Variants in GALNT13 observed in about 807,000 individuals in gnomAD.
GALNT13 encodes UDP-GalNAc:polypeptide N-acetylgalactosaminyltransferase 13.
GALNT13 carries 28 observed loss-of-function variants against 64.2 expected under a neutral mutation model. The observed-to-expected ratio is 0.44, with a 90% CI of 0.32 to 0.60. The LOEUF (loss-of-function observed/expected upper bound fraction) is 0.60. Ranked by LOEUF, GALNT13 falls within the 20% of genes least tolerant of loss-of-function variation. GALNT13 has a pLI of 0.05. For synonymous variants in GALNT13, 214 were observed against 224.6 expected, an observed-to-expected ratio of 0.95 and a Z score of 0.42; for missense variants, 577 against 669.8, an observed-to-expected ratio of 0.86 and a Z score of 1.53.
rs576606847 is a variant in GALNT13 at position 154,365,817 on chromosome 2, G to T, written c.1157-30174G>T. ...CATGAGAAGAACTATCTCTGTAAAA[G>T]GAAATCTCCCTTAGCAGCCAAATTT... On this transcript the variant is annotated intron_variant, in intron 9 of 12. Coordinates refer to ENST00000392825, the MANE Select transcript of GALNT13 (RefSeq NM_052917.4). 9.9e-5 allele frequency among the ~76,000 whole-genome samples: 15 copies of T among 152,204 alleles called. No homozygotes were observed. In the South Asian group the frequency reaches 3.1e-3, roughly 32 times the overall value.
At chr2:153,086,276 TGAG>T in the GALNT13 span, among the ~76,000 whole-genome samples, 3 of 152,142 alleles carry the variant, frequency 2.0e-5, no homozygotes, top group Non-Finnish European at 2.9e-5. Context: ...GTTAAGACCT[TGAG>T]GAACTGTTGG....
At chr2:154,183,357 C>G (rs1417611904) in intron 4 of GALNT13, among the ~76,000 whole-genome samples, 1 of 151,932 alleles carries the variant, frequency 6.6e-6, no homozygotes, top group Non-Finnish European at 1.5e-5. Context: ...CTTGTGGACT[C>G]TCTTTCATTT....
chr2:153,086,418 T>C, the GALNT13 span, among the ~76,000 whole-genome samples: 3 of 151,992 alleles, frequency 2.0e-5, no homozygotes, highest in African/African-American at 7.3e-5. Context: ...GTGCCAAGGG[T>C]GGGGCCAGGT....
At chr2:153,591,409 A>G in the GALNT13 span, among the ~76,000 whole-genome samples, 2 of 152,096 alleles carry the variant, frequency 1.3e-5, no homozygotes, top group African/African-American at 2.4e-5. Flanking sequence ...TTCAGTCCCT[A>G]TCAAAATACC....
At chr2:153,317,987 G>A in the GALNT13 span, among the ~76,000 whole-genome samples, 4 of 151,838 alleles carry the variant, frequency 2.6e-5, no homozygotes, top group African/African-American at 4.8e-5. Flanking sequence ...AGTGAAATCA[G>A]AAAAACCTGC....
chr2:153,834,434 G>A, the GALNT13 span, among the ~76,000 whole-genome samples: 1 of 152,174 alleles, frequency 6.6e-6, no homozygotes, highest in South Asian at 2.1e-4. Flanking sequence ...AGAGTTGGGA[G>A]TGGTGGCAAC....
At chr2:153,976,274 TAATC>T (rs1192077941) in intron 3 of GALNT13, among the ~76,000 whole-genome samples, 2 of 150,592 alleles carry the variant, frequency 1.3e-5, no homozygotes, top group African/African-American at 2.5e-5. Flanking sequence ...ATTAATTAAT[TAATC>T]AATCTGCTTT....
intron 8 of GALNT13, among the ~76,000 whole-genome samples, chr2:154,282,060 T>G (rs1035266270): frequency 1.3e-5 from 2 of 152,142 alleles, no homozygotes; most frequent in African/African-American, 4.8e-5. Context: ...AATTGGACAT[T>G]TTAGAAGCAA....
chr2:153,272,815 A>G, the GALNT13 span, among the ~76,000 whole-genome samples: 1 of 152,182 alleles, frequency 6.6e-6, no homozygotes, highest in East Asian at 1.9e-4. Context: ...ACACATGCAC[A>G]GGTACGTATA....
the GALNT13 span, among the ~76,000 whole-genome samples, chr2:153,506,925 C>G: frequency 6.6e-6 from 1 of 152,320 alleles, no homozygotes; most frequent in Non-Finnish European, 1.5e-5. Context: ...ATTATTCCCT[C>G]AAACATGTTT....
At chr2:153,401,305 T>A in the GALNT13 span, among the ~76,000 whole-genome samples, 3 of 151,736 alleles carry the variant, frequency 2.0e-5, no homozygotes, top group Non-Finnish European at 4.4e-5. Context: ...TTGTTATAAT[T>A]TCTGTTCTTT....
the GALNT13 span, among the ~76,000 whole-genome samples, chr2:153,222,375 C>G: frequency 4.9e-5 from 1 of 20,532 alleles, no homozygotes; most frequent in Non-Finnish European, 9.2e-5. Context: ...GGAGGAAGTA[C>G]TTGCTGATTG....
the GALNT13 span, among the ~76,000 whole-genome samples, chr2:153,510,224 G>C: frequency 6.6e-6 from 1 of 152,142 alleles, no homozygotes; most frequent in Non-Finnish European, 1.5e-5. Context: ...ACCCAAATCC[G>C]AGAGATGTTC....
chr2:153,556,310 T>C, the GALNT13 span, among the ~76,000 whole-genome samples: 1 of 152,334 alleles, frequency 6.6e-6, no homozygotes, highest in South Asian at 2.1e-4. Flanking sequence ...GTGTATCATT[T>C]ATGTGTTTAT....
At chr2:153,657,660 A>T in the GALNT13 span, among the ~76,000 whole-genome samples, 1 of 152,120 alleles carries the variant, frequency 6.6e-6, no homozygotes, top group Non-Finnish European at 1.5e-5. Flanking sequence ...ATCCAGTATT[A>T]TATTCCTCAT....
At chr2:154,222,924 G>A (rs1254269662) in intron 4 of GALNT13, among the ~76,000 whole-genome samples, 1 of 152,022 alleles carries the variant, frequency 6.6e-6, no homozygotes, top group African/African-American at 2.4e-5. Context: ...GACAATATAA[G>A]CTATGCTGTT....
chr2:153,629,077 G>A, the GALNT13 span, among the ~76,000 whole-genome samples: 1 of 152,110 alleles, frequency 6.6e-6, no homozygotes, highest in Non-Finnish European at 1.5e-5. Context: ...AGTCTTGGGA[G>A]GGTATATGTG....
At chr2:153,536,854 T>C in the GALNT13 span, among the ~76,000 whole-genome samples, 3 of 152,198 alleles carry the variant, frequency 2.0e-5, no homozygotes, top group Non-Finnish European at 4.4e-5. Context: ...ATTCTTGCAA[T>C]AAAATACATT....
chr2:154,433,573 C>T (rs1700799369), intron 11 of GALNT13, among the ~76,000 whole-genome samples: 1 of 151,986 alleles, frequency 6.6e-6, no homozygotes, highest in South Asian at 2.1e-4. Context: ...AAAAAAAAAG[C>T]TTAAGTCGTA....
Sources: gnomAD v4.1 joint callset for allele counts (sites outside exome capture counted in the v4.1 genomes callset) on GRCh38, gnomAD v4.1.1 for gene constraint, MANE v1.5 for transcripts, NCBI Gene and HGNC (gene_info 2026-07-23, HGNC 2026-07-21) for gene names.